Variants in DIP2A observed in about 807,000 individuals in gnomAD.
The protein encoded by DIP2A is DIP2 acetate--CoA ligase A.
A neutral mutation model predicts 177.4 loss-of-function variants in DIP2A; 85 were observed. The observed-to-expected ratio is 0.48, with a 90% CI of 0.40 to 0.57. DIP2A has a LOEUF of 0.57. DIP2A is among the 20% of genes least tolerant of loss of function. The pLI is 0.00. For synonymous variants in DIP2A, 886 were observed against 881.8 expected (o/e 1.00, Z -0.08); for missense variants, 1,791 against 2,100.2 (o/e 0.85, Z 2.88).
chr21:46,538,794 A>G (rs914197258), intron 16 of DIP2A, 192 bp downstream of exon 16: 1 of 815,612 alleles, frequency 1.2e-6, no homozygotes, highest in Non-Finnish European at 1.8e-6. Context: ...TTATTAGGCC[A>G]CTAAATTTAA....
the DIP2A span, among the ~76,000 whole-genome samples, chr21:46,579,067 G>T: frequency 6.6e-6 from 1 of 152,148 alleles, no homozygotes; most frequent in Admixed American, 6.5e-5. Flanking sequence ...GTAGAATTCA[G>T]CTGTAAATCC....
chr21:46,499,152 C>T (rs1350467310), intron 5 of DIP2A, among the ~76,000 whole-genome samples: 1 of 152,236 alleles, frequency 6.6e-6, no homozygotes, highest in Non-Finnish European at 1.5e-5. Flanking sequence ...TTTCCCCCAT[C>T]AAGACCTACG....
intron 35 of DIP2A, among the ~76,000 whole-genome samples, chr21:46,564,777 C>T (rs533628011): frequency 5.3e-5 from 8 of 152,204 alleles, no homozygotes; most frequent in Admixed American, 3.9e-4. Flanking sequence ...TGTGAGCGTG[C>T]GGGCCCTCAG....
intron 28 of DIP2A, among the ~76,000 whole-genome samples, chr21:46,555,223 G>A (rs1008092119): frequency 6.6e-6 from 1 of 152,256 alleles, no homozygotes; most frequent in Admixed American, 6.5e-5. Context: ...GCAGCTCTCT[G>A]AGGCTTTCTG....
the DIP2A span, among the ~76,000 whole-genome samples, chr21:46,578,191 A>C: frequency 6.6e-6 from 1 of 152,208 alleles, no homozygotes; most frequent in South Asian, 2.1e-4. Context: ...GTGTGCCTGT[A>C]GTCCCAGCTA....
chr21:46,546,365 T>C, intron 20 of DIP2A: 2 of 998,104 alleles, frequency 2.0e-6, no homozygotes, highest in Middle Eastern at 4.9e-4. Flanking sequence ...CCCAGGGGAC[T>C]TCTGGCAACT....
intron 8 of DIP2A, among the ~76,000 whole-genome samples, chr21:46,513,915 C>A (rs1055062885): frequency 6.6e-6 from 1 of 152,118 alleles, no homozygotes; most frequent in Non-Finnish European, 1.5e-5. Flanking sequence ...GGATACTCAA[C>A]CTGTATTACA....
intron 18 of DIP2A, among the ~76,000 whole-genome samples, chr21:46,542,642 G>C (rs1255044875): frequency 6.6e-6 from 1 of 152,232 alleles, no homozygotes; most frequent in Non-Finnish European, 1.5e-5. Context: ...ACACTGCCAC[G>C]TGGTCTGAGG....
At chr21:46,496,909 AAC>A (rs2148518431) in intron 3 of DIP2A, 77 bp from the exon 4 acceptor site, 8 of 1,443,812 alleles carry the variant, frequency 5.5e-6, no homozygotes, top group Non-Finnish European at 7.3e-6. Flanking sequence ...ACTGAAAACA[AAC>A]AAAAACATGA....
chr21:46,543,058 C>T (rs1315946065), intron 18 of DIP2A, among the ~76,000 whole-genome samples: 1 of 152,228 alleles, frequency 6.6e-6, no homozygotes, highest in Non-Finnish European at 1.5e-5. Context: ...GCCTGTGTTT[C>T]TAGCTCTACT....
chr21:46,573,900 T>C (rs1309947658), downstream of DIP2A, among the ~76,000 whole-genome samples: 1 of 152,024 alleles, frequency 6.6e-6, no homozygotes, highest in Non-Finnish European at 1.5e-5. Context: ...GACAGTTCTA[T>C]AATAATAGTT....
chr21:46,540,924 C>A (rs8132725), intron 17 of DIP2A, among the ~76,000 whole-genome samples: 45,432 of 150,020 alleles, frequency 0.3, 6,991 homozygotes, highest in East Asian at 0.42. Flanking sequence ...CTGAGGCAGG[C>A]GAATCGCTTG....
At chr21:46,552,673 C>G (rs2060315749) in intron 25 of DIP2A, among the ~76,000 whole-genome samples, 1 of 152,144 alleles carries the variant, frequency 6.6e-6, no homozygotes, top group Non-Finnish European at 1.5e-5. Flanking sequence ...ACAATGTGCA[C>G]AGTGCACAGT....
At chr21:46,495,511 G>A (rs575436728) in intron 3 of DIP2A, among the ~76,000 whole-genome samples, 9 of 151,822 alleles carry the variant, frequency 5.9e-5, no homozygotes, top group African/African-American at 1.7e-4. Flanking sequence ...CAGGGGATCC[G>A]CTCACCTCGG....
rs1728658530 is a variant in DIP2A at position 46,568,675 on chromosome 21, TTTAG to T, written c.*1057_*1060del. ...TTTCCTGGTTTGTAACTTGATGCTGTTTAGTTAAATTGCTAGTTTTCCTAACACT... is the reference window on the plus strand; with the variant it reads ...TTTCCTGGTTTGTAACTTGATGCTGTTTAAATTGCTAGTTTTCCTAACACT... On this transcript the variant is annotated 3_prime_UTR_variant, in exon 38 of 38. Transcript: ENST00000417564. 2 of 152,216 alleles carry T rather than the reference TTTAG, an allele frequency of 1.3e-5. No homozygotes were observed. Among genetic ancestry groups the T allele is most frequent in the Admixed American group, 6.5e-5 (1 of 15,282 alleles). 9.4% of individuals were successfully genotyped at this position (152,216 alleles called of 1,614,324 possible). A position where few individuals can be genotyped will look rare whatever the true frequency, so the allele number is the denominator to read the frequency against.
At chr21:46,523,392 AATT>A (rs2058917683) in intron 8 of DIP2A, among the ~76,000 whole-genome samples, 1 of 111,496 alleles carries the variant, frequency 9.0e-6, no homozygotes, top group African/African-American at 3.5e-5. Flanking sequence ...GCGCCTGGCT[AATT>A]TTTTTTTTTT....
In DIP2A at chr21:46,556,290, A is replaced by C. The variant is rs2070428; in HGVS notation, c.3498+199A>C. ...CTGAGAGTAATGCGTTTTCTGATGC[A>C]TTATGGTTATGTCTAAACTTTCTGA... is the stretch of plus-strand genomic sequence containing the variant. On this transcript the variant is annotated intron_variant, in intron 29 of 37. Transcript: ENST00000417564. The surrounding 1 kb of genome is among the most constrained non-coding windows in gnomAD (Gnocchi z 4.5). 168,839 of 1,509,812 alleles carry C rather than the reference A, an allele frequency of 0.11. 11,095 individuals carry two copies. The highest frequency in any genetic ancestry group is 0.37 in the East Asian group (14,246 of 38,762). The allele number at this position is 1,509,812 out of a possible 1,614,324, so 93.5% of individuals were successfully genotyped here.
In DIP2A at chr21:46,566,573, A is replaced by C; in HGVS notation, c.4353A>C (p.Ala1451=). ...LTDASGGRHD[A]LYVVGSLDET... is the part of the protein sequence containing the mutation. ...CACTGTTCACAGGGCGGCACGATGC[A>C]CTGTATGTGGTTGGGTCTCTGGATG... is the stretch of plus-strand genomic sequence containing the variant. The change falls in exon 37 of 38, where the codon GCA becomes GCC. Residue 1451 remains alanine (A), a synonymous_variant. Coordinates refer to ENST00000417564, the MANE Select transcript of DIP2A (RefSeq NM_015151.4). 6.2e-7 allele frequency: 1 copy of C among 1,614,070 alleles called. No homozygotes were observed. The highest frequency in any genetic ancestry group is 8.5e-7 in the Non-Finnish European group (1 of 1,179,938).
chr21:46,562,088 C>T (rs958025310), intron 34 of DIP2A, among the ~76,000 whole-genome samples: 1 of 152,172 alleles, frequency 6.6e-6, no homozygotes, highest in African/African-American at 2.4e-5. Flanking sequence ...GGCCTCAGGC[C>T]TCTGGGGCCA....
Sources: allele counts gnomAD v4.1 joint callset (sites outside exome capture counted in the v4.1 genomes callset), GRCh38; gene constraint gnomAD v4.1.1; non-coding constraint Gnocchi (gnomAD v3.1); transcripts MANE v1.5; gene names NCBI Gene and HGNC (gene_info 2026-07-23, HGNC 2026-07-21).